The following SLC12A9 variants were observed in gnomAD, a reference collection of about 807,000 sequenced individuals.
SLC12A9 encodes the protein solute carrier family 12 member 9.
A neutral mutation model predicts 66.0 loss-of-function variants in SLC12A9; 55 were observed. The ratio of observed to expected loss-of-function variants is 0.83; its 90% CI spans 0.67 to 1.04. The LOEUF is 1.04. Among genes scored for constraint, SLC12A9 ranks in the 50% least tolerant of loss-of-function variants. The pLI is 0.00. For synonymous variants in SLC12A9, 577 were observed against 569.0 expected, an observed-to-expected ratio of 1.01 and a Z score of -0.20; for missense variants, 1,061 against 1,241.9, an observed-to-expected ratio of 0.85 and a Z score of 2.19.
chr7:100,846,305 G>A (rs920580942), intron 1 of SLC12A9, among the ~76,000 whole-genome samples: 1 of 152,174 alleles, frequency 6.6e-6, no homozygotes, highest in African/African-American at 2.4e-5. Flanking sequence ...GGTGGCTCAC[G>A]CCTGTAATCC....
At chr7:100,830,871 GAA>G (rs1384565274) in intron 1 of SLC12A9, among the ~76,000 whole-genome samples, 2 of 151,990 alleles carry the variant, frequency 1.3e-5, no homozygotes, top group Non-Finnish European at 2.9e-5. Context: ...CTGTGTGTGT[GAA>G]GTCATGTCCT....
rs538823718 is a variant in SLC12A9 at position 100,866,973 on chromosome 7, C to A, written c.*368C>A. 3.8e-5 allele frequency: 9 copies of A among 239,704 alleles called. No homozygotes were observed. In the South Asian group the frequency reaches 1.2e-3, roughly 32 times the overall value. 14.8% of individuals were successfully genotyped at this position (239,704 alleles called of 1,614,324 possible). ...GATGTTTTCGTTCTGTTTTATTTTTCTAACTCTGCTGACCATGAATAAAAG... is the reference window on the plus strand; with the variant it reads ...GATGTTTTCGTTCTGTTTTATTTTTATAACTCTGCTGACCATGAATAAAAG... On this transcript the variant is annotated 3_prime_UTR_variant, in exon 14 of 14. Transcript: ENST00000354161. This position sits in a 1 kb window ranked among gnomAD's most constrained non-coding sequence, Gnocchi z 7.3.
At chr7:100,863,394 AT>A (rs1429531743) in intron 13 of SLC12A9, among the ~76,000 whole-genome samples, 2 of 151,974 alleles carry the variant, frequency 1.3e-5, no homozygotes, top group African/African-American at 4.8e-5. Context: ...TGATCCAAAA[AT>A]TGGGGCATAG....
intron 2 of SLC12A9, 38 bp downstream of exon 2, chr7:100,854,416 T>C: frequency 1.2e-6 from 2 of 1,601,580 alleles, no homozygotes; most frequent in Non-Finnish European, 1.7e-6. Flanking sequence ...CTGACTATAG[T>C]ATGGGAGGAC....
chr7:100,827,084 C>G (rs929324650), intron 1 of SLC12A9: 15 of 1,543,542 alleles, frequency 9.7e-6, no homozygotes, highest in South Asian at 6.0e-5. Flanking sequence ...CCCTCGCCCC[C>G]CCAGGTCTGA....
intron 1 of SLC12A9, among the ~76,000 whole-genome samples, chr7:100,845,653 G>A (rs1468843422): frequency 6.6e-6 from 1 of 152,014 alleles, no homozygotes; most frequent in East Asian, 1.9e-4. Context: ...CCGGCCTATT[G>A]GCACTATTAA....
At chr7:100,832,297 G>A (rs1813559438) in intron 1 of SLC12A9, among the ~76,000 whole-genome samples, 1 of 152,140 alleles carries the variant, frequency 6.6e-6, no homozygotes, top group Non-Finnish European at 1.5e-5. Flanking sequence ...TTGAGTCCTG[G>A]AGTTTGAGAC....
At chr7:100,826,961 C>CG (rs760689869) in exon 1 of SLC12A9, 3 of 1,528,714 alleles carry the variant, frequency 2.0e-6, no homozygotes, top group Admixed American at 1.9e-5. Context: ...GTGCGCCCCC[C>CG]CCCGCAAGGA....
intron 13 of SLC12A9, among the ~76,000 whole-genome samples, chr7:100,863,443 A>G (rs1375607664): frequency 6.6e-5 from 10 of 152,040 alleles, no homozygotes; most frequent in African/African-American, 2.4e-4. Flanking sequence ...ATGGAGCATT[A>G]TTTGAATCTC....
intron 1 of SLC12A9, among the ~76,000 whole-genome samples, chr7:100,846,280 T>C (rs1162899988): frequency 1.3e-5 from 2 of 152,096 alleles, no homozygotes; most frequent in Non-Finnish European, 2.9e-5. Flanking sequence ...AAAAGCTTCA[T>C]TGCAGGCCGG....
intron 7 of SLC12A9, chr7:100,859,504 C>G (rs976498111): frequency 2.7e-6 from 1 of 366,352 alleles, no homozygotes; most frequent in African/African-American, 2.1e-5. Flanking sequence ...TCGCTGGAGC[C>G]CAGGAGTTCC....
In SLC12A9 at chr7:100,866,339, G is replaced by GACGCAGAGGCAGAGGCCCTGGC; in HGVS notation, c.2486_2507dup (p.Ser836ArgfsTer34). The GACGCAGAGGCAGAGGCCCTGGC allele has an allele frequency of 6.6e-7, 1 of 1,506,970 alleles. No individual in the cohort carries two copies. The highest frequency in any genetic ancestry group is 8.9e-7 in the Non-Finnish European group (1 of 1,124,320). 93.3% of individuals were successfully genotyped at this position (1,506,970 alleles called of 1,614,324 possible). A position where few individuals can be genotyped will look rare whatever the true frequency, so the allele number is the denominator to read the frequency against. ...GGACTTTGTGAACAGTGGGCGGGGA[G>GACGCAGAGGCAGAGGCCCTGGC]ACGCAGAGGCAGAGGCCCTGGCACG... On this transcript the variant is annotated frameshift_variant, in exon 14 of 14. Coordinates refer to ENST00000354161, the MANE Select transcript of SLC12A9 (RefSeq NM_020246.4). LOFTEE classifies it high-confidence loss of function. The surrounding 1 kb of genome is among the most constrained non-coding windows in gnomAD (Gnocchi z 7.3).
At chr7:100,840,742 G>T (rs1424643650) in intron 1 of SLC12A9, among the ~76,000 whole-genome samples, 1 of 150,216 alleles carries the variant, frequency 6.7e-6, no homozygotes, top group Non-Finnish European at 1.5e-5. Flanking sequence ...AAGAAAGAGA[G>T]ATATACAAGC....
Position 100,859,114 on chromosome 7 carries a change from C to G in SLC12A9, c.930C>G (p.Phe310Leu), listed in dbSNP as rs988057202. ...LGTIVAVAYTFFVYVLLFFLS... is the reference protein window; with the variant it reads ...LGTIVAVAYTLFVYVLLFFLS... ...CGATCGTCGCCGTCGCCTACACCTT[C>G]TTCGTCTATGTCCTGCTTTTCTTTC... Residue 310 changes from phenylalanine (F) to leucine (L), a missense_variant, in exon 7 of 14, where the codon TTC (phenylalanine) becomes TTG (leucine). Phe to Leu is a conservative substitution (Grantham distance 22). Transcript: ENST00000354161. 2.4e-5 allele frequency: 38 copies of G among 1,614,132 alleles called. No individual in the cohort carries two copies. The highest frequency in any genetic ancestry group is 3.1e-5 in the Non-Finnish European group (37 of 1,180,032).
At chr7:100,835,083 C>T (rs891170710) in intron 1 of SLC12A9, among the ~76,000 whole-genome samples, 6 of 152,142 alleles carry the variant, frequency 3.9e-5, no homozygotes, top group Non-Finnish European at 7.3e-5. Context: ...TGGCCGGGTG[C>T]AGTGGCTCAC....
In SLC12A9 at chr7:100,854,629, TG is replaced by T; in HGVS notation, c.194del (p.Gly65ValfsTer43). 1 of 1,613,982 alleles carries T rather than the reference TG, an allele frequency of 6.2e-7. No homozygotes were observed. The highest frequency in any genetic ancestry group is 8.5e-7 in the Non-Finnish European group (1 of 1,179,980). On this transcript the variant is annotated frameshift_variant, in exon 3 of 14. Coordinates refer to ENST00000354161, the MANE Select transcript of SLC12A9 (RefSeq NM_020246.4). LOFTEE classifies it high-confidence loss of function. ...IVVFLRIGFV[V>X]GHAGLLQALA... ...GCTGCTCCTGCCTCAGGGTTCGTGG[TG>T]GGTCATGCTGGGCTACTGCAGGCCC... is the stretch of plus-strand genomic sequence containing the variant.
chr7:100,859,206 C>T (rs1814590372), intron 7 of SLC12A9, 45 bp downstream of exon 7: 1 of 1,537,724 alleles, frequency 6.5e-7, no homozygotes, highest in Admixed American at 1.7e-5. Flanking sequence ...AAGATTGGTG[C>T]ACCTGGGTCA....
chr7:100,862,195 G>T (rs753438341), intron 12 of SLC12A9, among the ~76,000 whole-genome samples: 1 of 152,054 alleles, frequency 6.6e-6, no homozygotes, highest in Admixed American at 6.6e-5. Flanking sequence ...GACCTCAAGT[G>T]CTCCGCCCAT....
chr7:100,863,666 C>T (rs1335338765), intron 13 of SLC12A9, among the ~76,000 whole-genome samples: 6 of 152,316 alleles, frequency 3.9e-5, no homozygotes, highest in Admixed American at 1.3e-4. Context: ...GTGGGGCGGA[C>T]GTCTGTGGAT....
Sources: gnomAD v4.1 joint callset for allele counts (sites outside exome capture counted in the v4.1 genomes callset) on GRCh38, gnomAD v4.1.1 for gene constraint, Gnocchi (gnomAD v3.1) non-coding constraint, MANE v1.5 for transcripts, NCBI Gene and HGNC (gene_info 2026-07-23, HGNC 2026-07-21) for gene names.